The following UNC5C variants were observed in gnomAD, a reference collection of about 807,000 sequenced individuals.
UNC5C encodes the protein unc-5 netrin receptor C.
In UNC5C, 47 loss-of-function variants were observed where a neutral mutation model predicts 99.8. The ratio of observed to expected loss-of-function variants is 0.47; its 90% CI spans 0.37 to 0.60. The LOEUF (loss-of-function observed/expected upper bound fraction) is 0.60, where lower values mean the gene tolerates loss of function less well. UNC5C is among the 20% of genes least tolerant of loss of function. UNC5C has a pLI of 0.00. For synonymous variants in UNC5C, 487 were observed against 452.2 expected, an observed-to-expected ratio of 1.08 and a Z score of -0.98; for missense variants, 1,062 against 1,165.9, an observed-to-expected ratio of 0.91 and a Z score of 1.30.
chr4:95,410,810 C>G (rs974217319), intron 1 of UNC5C, among the ~76,000 whole-genome samples: 12 of 152,154 alleles, frequency 7.9e-5, no homozygotes, highest in African/African-American at 2.9e-4. Context: ...CCCCACCCTG[C>G]TCGCCCAGTG....
chr4:95,211,580 T>G (rs1738075584), intron 10 of UNC5C, among the ~76,000 whole-genome samples: 1 of 152,186 alleles, frequency 6.6e-6, no homozygotes, highest in Admixed American at 6.5e-5. Flanking sequence ...CTGAGCATAT[T>G]TTTTTCCTCA....
chr4:95,296,214 A>G (rs1218445061), intron 3 of UNC5C, among the ~76,000 whole-genome samples: 1 of 152,190 alleles, frequency 6.6e-6, no homozygotes. Context: ...TCTCATTATG[A>G]TGCATATCTT....
chr4:95,352,403 A>G (rs149069103), intron 1 of UNC5C, among the ~76,000 whole-genome samples: 1 of 152,132 alleles, frequency 6.6e-6, no homozygotes, highest in Non-Finnish European at 1.5e-5. Context: ...GGACAAAGGG[A>G]TTCTTGACCA....
chr4:95,353,756 T>C (rs1318366172), intron 1 of UNC5C, among the ~76,000 whole-genome samples: 5 of 152,112 alleles, frequency 3.3e-5, no homozygotes, highest in Non-Finnish European at 7.4e-5. Context: ...TTAAAATTAT[T>C]GTGACACTAA....
At chr4:95,281,374 GC>G (rs1183395920) in intron 3 of UNC5C, among the ~76,000 whole-genome samples, 18 of 152,194 alleles carry the variant, frequency 1.2e-4, no homozygotes, top group Non-Finnish European at 2.1e-4. Flanking sequence ...GCTGAGGTGT[GC>G]TTATGAAAAG....
At chr4:95,194,325 T>TTTTTAAACTTCTATATTAG (rs1737287422) in intron 12 of UNC5C, among the ~76,000 whole-genome samples, 1 of 152,244 alleles carries the variant, frequency 6.6e-6, no homozygotes, top group African/African-American at 2.4e-5. Context: ...TAACACATTA[T>TTTTTAAACTTCTATATTAG]TTTTAAACTT....
chr4:95,479,979 C>T (rs1210802221), intron 1 of UNC5C, among the ~76,000 whole-genome samples: 4 of 148,666 alleles, frequency 2.7e-5, no homozygotes, highest in Non-Finnish European at 4.5e-5. Flanking sequence ...CCTGGAATGT[C>T]TTTGAGCTGG....
At chr4:95,449,559 T>C (rs1747222230) in intron 1 of UNC5C, among the ~76,000 whole-genome samples, 1 of 152,110 alleles carries the variant, frequency 6.6e-6, no homozygotes, top group Non-Finnish European at 1.5e-5. Context: ...CCCAGAAGAA[T>C]GCCAATTCTT....
chr4:95,254,929 C>A (rs933616913), intron 4 of UNC5C, among the ~76,000 whole-genome samples: 1 of 152,024 alleles, frequency 6.6e-6, no homozygotes, highest in Non-Finnish European at 1.5e-5. Context: ...ATGCTCTCAT[C>A]CCTTTGTCAC....
intron 1 of UNC5C, among the ~76,000 whole-genome samples, chr4:95,538,526 T>C (rs1313444629): frequency 6.6e-6 from 1 of 152,206 alleles, no homozygotes; most frequent in Admixed American, 6.5e-5. Context: ...ACTTGTAATC[T>C]GAAAACTTTG....
At chr4:95,523,451 T>C (rs1469715494) in intron 1 of UNC5C, among the ~76,000 whole-genome samples, 1 of 152,268 alleles carries the variant, frequency 6.6e-6, no homozygotes, top group Admixed American at 6.5e-5. Context: ...TCTCTGCACG[T>C]AGCAGAAACG....
intron 1 of UNC5C, among the ~76,000 whole-genome samples, chr4:95,525,328 C>T (rs1415636811): frequency 1.3e-5 from 2 of 151,942 alleles, no homozygotes; most frequent in Non-Finnish European, 2.9e-5. Flanking sequence ...AGCAAAATTC[C>T]AGCCATATAC....
intron 1 of UNC5C, among the ~76,000 whole-genome samples, chr4:95,414,661 T>G (rs1163514055): frequency 6.6e-6 from 1 of 152,224 alleles, no homozygotes; most frequent in East Asian, 1.9e-4. Context: ...CCACATTCTA[T>G]TCTAATAAAA....
intron 1 of UNC5C, among the ~76,000 whole-genome samples, chr4:95,435,411 G>A (rs1746747476): frequency 6.6e-6 from 1 of 152,048 alleles, no homozygotes; most frequent in African/African-American, 2.4e-5. Context: ...CTGTCTCTCA[G>A]ATGTTTAGTC....
intron 1 of UNC5C, among the ~76,000 whole-genome samples, chr4:95,404,060 T>C (rs1446501653): frequency 6.6e-6 from 1 of 152,240 alleles, no homozygotes; most frequent in South Asian, 2.1e-4. Flanking sequence ...TTCCATTTTT[T>C]TTGAAAAGAA....
At chr4:95,180,550 T>A (rs1321877060) in intron 14 of UNC5C, among the ~76,000 whole-genome samples, 1 of 152,262 alleles carries the variant, frequency 6.6e-6, no homozygotes, top group Non-Finnish European at 1.5e-5. Context: ...TTAAAGCCTT[T>A]GTCTCTAGTT....
At chr4:95,260,085 T>C (rs908157986) in intron 4 of UNC5C, among the ~76,000 whole-genome samples, 2 of 152,196 alleles carry the variant, frequency 1.3e-5, no homozygotes, top group African/African-American at 4.8e-5. Flanking sequence ...GTCCTATGAC[T>C]GCACTGGTCC....
chr4:95,396,090 G>T (rs1311439810), intron 1 of UNC5C, among the ~76,000 whole-genome samples: 1 of 152,200 alleles, frequency 6.6e-6, no homozygotes, highest in African/African-American at 2.4e-5. Context: ...GAGGGCAAAG[G>T]TTTCAACCTA....
chr4:95,449,597 A>G (rs1272948457), intron 1 of UNC5C, among the ~76,000 whole-genome samples: 1 of 152,212 alleles, frequency 6.6e-6, no homozygotes, highest in Non-Finnish European at 1.5e-5. Flanking sequence ...TGAGGAAAAC[A>G]TAAAGACATC....
Sources: gnomAD v4.1 joint callset for allele counts (sites outside exome capture counted in the v4.1 genomes callset) on GRCh38, gnomAD v4.1.1 for gene constraint, MANE v1.5 for transcripts, NCBI Gene and HGNC (gene_info 2026-07-23, HGNC 2026-07-21) for gene names.